The following PCSK2 variants were observed in gnomAD, a reference collection of about 807,000 sequenced individuals.
PCSK2 encodes the protein neuroendocrine convertase 2.
PCSK2 carries 14 observed loss-of-function variants against 69.7 expected under a neutral mutation model. That is an observed-to-expected ratio of 0.20 (90% CI 0.13 to 0.31). The LOEUF (loss-of-function observed/expected upper bound fraction) is 0.31, where lower values mean the gene tolerates loss of function less well. Ranked by LOEUF, PCSK2 falls within the 10% of genes least tolerant of loss-of-function variation. PCSK2 has a pLI of 1.00. For missense variants in PCSK2, 544 were observed against 842.5 expected (o/e 0.65, Z 4.39); for synonymous variants, 307 against 320.7 (o/e 0.96, Z 0.46).
chr20:17,237,182 G>A (rs901420139), intron 1 of PCSK2, among the ~76,000 whole-genome samples: 1 of 152,180 alleles, frequency 6.6e-6, no homozygotes, highest in Non-Finnish European at 1.5e-5. Flanking sequence ...AGAGATGAAA[G>A]GGAGAGAGCT....
chr20:17,246,290 T>TG (rs1422839741), intron 1 of PCSK2, among the ~76,000 whole-genome samples: 1 of 152,218 alleles, frequency 6.6e-6, no homozygotes, highest in Non-Finnish European at 1.5e-5. Flanking sequence ...ACCAGCCTAG[T>TG]GGATGGCTCT....
intron 2 of PCSK2, among the ~76,000 whole-genome samples, chr20:17,289,618 T>C (rs2123063081): frequency 6.6e-6 from 1 of 152,272 alleles, no homozygotes; most frequent in East Asian, 1.9e-4. Flanking sequence ...TTTTAGAGAG[T>C]ATCACTTTAA....
intron 2 of PCSK2, among the ~76,000 whole-genome samples, chr20:17,349,664 A>G (rs988366239): frequency 1.7e-4 from 26 of 152,180 alleles, no homozygotes; most frequent in African/African-American, 6.3e-4. Flanking sequence ...TACCAAGAAA[A>G]AAAAAATCCT....
chr20:17,399,723 C>T (rs1013658359), intron 5 of PCSK2, among the ~76,000 whole-genome samples: 2 of 152,144 alleles, frequency 1.3e-5, no homozygotes, highest in Admixed American at 1.3e-4. Context: ...CACGTGTAAG[C>T]ATCTCATGGC....
chr20:17,398,346 G>A (rs1422646148), intron 5 of PCSK2, among the ~76,000 whole-genome samples: 1 of 151,966 alleles, frequency 6.6e-6, no homozygotes, highest in African/African-American at 2.4e-5. Flanking sequence ...GCAACACAGT[G>A]AAACTCTGTC....
intron 2 of PCSK2, among the ~76,000 whole-genome samples, chr20:17,305,670 A>G (rs1413208832): frequency 6.6e-6 from 1 of 152,250 alleles, no homozygotes; most frequent in Non-Finnish European, 1.5e-5. Context: ...CCTAATAAGT[A>G]TGCTTTCAAG....
chr20:17,303,535 TATATA>T (rs1568593908), intron 2 of PCSK2, among the ~76,000 whole-genome samples: 28 of 32,994 alleles, frequency 8.5e-4, no homozygotes, highest in Non-Finnish European at 1.5e-3. Flanking sequence ...TATATTATAT[TATATA>T]TAATATGATA....
chr20:17,335,952 T>G (rs1023031675), intron 2 of PCSK2, among the ~76,000 whole-genome samples: 2 of 151,922 alleles, frequency 1.3e-5, no homozygotes, highest in Non-Finnish European at 2.9e-5. Context: ...TCCATATTTT[T>G]GCAATTTTGA....
intron 2 of PCSK2, among the ~76,000 whole-genome samples, chr20:17,351,259 C>T (rs2029976301): frequency 6.6e-6 from 1 of 151,990 alleles, no homozygotes; most frequent in Non-Finnish European, 1.5e-5. Flanking sequence ...GTGAAATAGC[C>T]ATCTGTTCAT....
intron 5 of PCSK2, among the ~76,000 whole-genome samples, chr20:17,401,224 G>A (rs1265052732): frequency 6.6e-6 from 1 of 152,148 alleles, no homozygotes; most frequent in Non-Finnish European, 1.5e-5. Flanking sequence ...GTCTGTTTGA[G>A]CTGATATAAC....
intron 2 of PCSK2, among the ~76,000 whole-genome samples, chr20:17,290,553 T>C (rs887620950): frequency 1.3e-5 from 2 of 152,224 alleles, no homozygotes; most frequent in Non-Finnish European, 2.9e-5. Flanking sequence ...ATATTAAGAC[T>C]ACTCCTAGAC....
intron 2 of PCSK2, among the ~76,000 whole-genome samples, chr20:17,298,920 A>T (rs918695975): frequency 6.6e-6 from 1 of 152,168 alleles, no homozygotes; most frequent in African/African-American, 2.4e-5. Flanking sequence ...GCCTGTCCTT[A>T]TCTTACCCGT....
At chr20:17,261,678 C>T (rs1163054275) in intron 2 of PCSK2, among the ~76,000 whole-genome samples, 4 of 152,194 alleles carry the variant, frequency 2.6e-5, no homozygotes, top group African/African-American at 4.8e-5. Flanking sequence ...TATACCAATT[C>T]ATTACCTGGG....
chr20:17,360,688 G>C, intron 4 of PCSK2, 48 bp downstream of exon 4: 1 of 1,135,522 alleles, frequency 8.8e-7, no homozygotes, highest in Non-Finnish European at 1.3e-6. Context: ...GCGTGCCTTT[G>C]CTTGCCTTTT....
intron 2 of PCSK2, among the ~76,000 whole-genome samples, chr20:17,267,924 G>A (rs964966015): frequency 5.3e-5 from 8 of 151,522 alleles, no homozygotes; most frequent in Non-Finnish European, 1.0e-4. Context: ...AGGACTTCCT[G>A]GGAAAATCTT....
intron 11 of PCSK2, among the ~76,000 whole-genome samples, chr20:17,469,501 A>G (rs769737041): frequency 1.3e-5 from 2 of 152,072 alleles, no homozygotes; most frequent in Non-Finnish European, 2.9e-5. Context: ...GGTGTGTCCT[A>G]TCATTATTAC....
intron 1 of PCSK2, among the ~76,000 whole-genome samples, chr20:17,249,838 G>GT (rs1986908278): frequency 6.6e-6 from 1 of 151,850 alleles, no homozygotes; most frequent in Non-Finnish European, 1.5e-5. Flanking sequence ...TCCAGGGCTG[G>GT]GGGGGGAATG....
chr20:17,303,676 A>G (rs1310687391), intron 2 of PCSK2, among the ~76,000 whole-genome samples: 2 of 145,796 alleles, frequency 1.4e-5, no homozygotes, highest in Non-Finnish European at 3.0e-5. Context: ...TCCCGAGTTC[A>G]AGAGATTCTC....
chr20:17,298,569 T>C (rs1017405858), intron 2 of PCSK2, among the ~76,000 whole-genome samples: 1 of 152,258 alleles, frequency 6.6e-6, no homozygotes, highest in Non-Finnish European at 1.5e-5. Flanking sequence ...TTTGTGGCTC[T>C]TATGATAATT....
Sources: gnomAD v4.1 joint callset for allele counts (sites outside exome capture counted in the v4.1 genomes callset) on GRCh38, gnomAD v4.1.1 for gene constraint, MANE v1.5 for transcripts, NCBI Gene and HGNC (gene_info 2026-07-23, HGNC 2026-07-21) for gene names.